Variants in TUBGCP2 observed in about 807,000 individuals in gnomAD.
TUBGCP2 encodes gamma-tubulin complex component 2.
A neutral mutation model predicts 92.2 loss-of-function variants in TUBGCP2; 55 were observed. The ratio of observed to expected loss-of-function variants is 0.60; its 90% CI spans 0.48 to 0.75. TUBGCP2 has a LOEUF of 0.75. Among genes scored for constraint, TUBGCP2 ranks in the 30% least tolerant of loss-of-function variants. The pLI is 0.00. For missense variants in TUBGCP2, 1,093 were observed against 1,188.9 expected (o/e 0.92, Z 1.19); for synonymous variants, 533 against 505.2 (o/e 1.06, Z -0.74).
chr10:133,293,226 C>A lies in TUBGCP2; in HGVS notation c.837G>T (p.Glu279Asp), dbSNP rs1317087085. 3 of 1,613,454 alleles carry A rather than the reference C, an allele frequency of 1.9e-6. No individual in the cohort carries two copies. Among genetic ancestry groups the A allele is most frequent in the Non-Finnish European group, 2.5e-6 (3 of 1,179,886 alleles). The change falls in exon 7 of 18, where the codon GAG becomes GAT. Residue 279 changes from glutamate to aspartate, a missense_variant. Glu to Asp is a conservative substitution (Grantham distance 45, BLOSUM62 2). Around this residue, in one of 3 missense-constraint regions of TUBGCP2, gnomAD observed 490 missense variants for 488.5 expected, o/e 1.00. Transcript: ENST00000252936. ...SYSAVTRFIE[E>D]KSSFEYGQVN... ...CCTGCCCGTACTCGAAGGAAGACTTCTCTTCAATGAACCTGGAAGAAAAGC... is the reference window on the plus strand; with the variant it reads ...CCTGCCCGTACTCGAAGGAAGACTTATCTTCAATGAACCTGGAAGAAAAGC...
intron 6 of TUBGCP2, 33 bp from the exon 7 acceptor site, chr10:133,293,271 G>C: frequency 1.2e-6 from 2 of 1,608,298 alleles, no homozygotes; most frequent in Non-Finnish European, 1.7e-6. Flanking sequence ...TCCTCAAAAA[G>C]GCAAGCTGCA....
At chr10:133,282,129 G>C (rs540161258) in intron 16 of TUBGCP2, 94 bp downstream of exon 16, 2 of 1,573,106 alleles carry the variant, frequency 1.3e-6, no homozygotes, top group East Asian at 2.3e-5. Flanking sequence ...GGAAGTAAAA[G>C]GGGGGAGGTT....
chr10:133,307,470 C>G lies in TUBGCP2; in HGVS notation c.-40+1353G>C, dbSNP rs1352256819. Among the ~76,000 whole-genome samples, 3 of 152,232 alleles carry G rather than the reference C, an allele frequency of 2.0e-5. No individual in the cohort carries two copies. The East Asian group carries it at 5.8e-4, about 29-fold the overall frequency. ...TGGTTTGAAAAATGTTATTTTACAA[C>G]TTGTGGAAAATGTCAAGAGCCCAAA... On this transcript the variant is annotated intron_variant, in intron 1 of 17. Transcript: ENST00000252936.
upstream of TUBGCP2, chr10:133,312,212 T>C: frequency 7.2e-7 from 1 of 1,394,082 alleles, no homozygotes; most frequent in Non-Finnish European, 9.3e-7. Flanking sequence ...TCTGCGTTTC[T>C]AGCGTCACCT....
chr10:133,283,022 A>T, intron 15 of TUBGCP2, 56 bp downstream of exon 15: 1 of 1,606,036 alleles, frequency 6.2e-7, no homozygotes, highest in Non-Finnish European at 8.5e-7. Context: ...CACGGTCGGG[A>T]CATGGTCTGC....
At chr10:133,307,970 G>A (rs1847866977) in intron 1 of TUBGCP2, among the ~76,000 whole-genome samples, 1 of 152,210 alleles carries the variant, frequency 6.6e-6, no homozygotes, top group African/African-American at 2.4e-5. Flanking sequence ...ACAGGGGCAG[G>A]CATGGTGGCT....
chr10:133,281,241 G>A, intron 17 of TUBGCP2, 32 bp downstream of exon 17: 1 of 1,603,496 alleles, frequency 6.2e-7, no homozygotes, highest in Non-Finnish European at 8.5e-7. Context: ...ACTGAGCTGA[G>A]GAAGGGCTGA....
upstream of TUBGCP2, chr10:133,309,735 C>T (rs762357186): frequency 9.9e-6 from 16 of 1,608,148 alleles, no homozygotes; most frequent in East Asian, 2.2e-5. Context: ...CTTGGTTCCT[C>T]GCACCGGAGG....
chr10:133,311,682 T>C (rs111577243), upstream of TUBGCP2: 2,227 of 1,580,860 alleles, frequency 1.4e-3, 21 homozygotes, highest in African/African-American at 0.014. Flanking sequence ...GTGGGAGCCG[T>C]GCAGGGCAGT....
Position 133,293,065 on chromosome 10 carries a change from C to A in TUBGCP2, c.998G>T (p.Arg333Leu). Residue 333 changes from arginine (R) to leucine (L), a missense_variant, in exon 7 of 18, where the codon CGC (arginine) becomes CTC (leucine). Transcript: ENST00000252936. ...GAGGGAGGCCAGGATGTCCATGGTG[C>A]GCATGGCTGGCTGGATGTAGAACCA... is the stretch of plus-strand genomic sequence containing the variant. The part of the protein sequence containing the change: ...KLWFYIQPAM[R>L]TMDILASLAT... 9 of 1,613,516 alleles carry A rather than the reference C, an allele frequency of 5.6e-6. No homozygotes were observed. The highest frequency in any genetic ancestry group is 1.3e-5 in the African/African-American group (1 of 75,046).
At chr10:133,304,365 T>G (rs1847755775) in intron 1 of TUBGCP2, among the ~76,000 whole-genome samples, 1 of 152,184 alleles carries the variant, frequency 6.6e-6, no homozygotes, top group Non-Finnish European at 1.5e-5. Context: ...TAAGCAAACT[T>G]TACATGCTTC....
In TUBGCP2 at chr10:133,281,302, A is replaced by G. The variant is rs762416850; in HGVS notation, c.2544T>C (p.Cys848=). 1 of 1,612,712 alleles carries G rather than the reference A, an allele frequency of 6.2e-7. No individual in the cohort carries two copies. The highest frequency in any genetic ancestry group is 1.7e-5 in the Admixed American group (1 of 60,012). ...AGATGACGCTGGCCATGCCGTGCTCACAGTCACTGGTGCTATAGATGCTCA... is the reference window on the plus strand; with the variant it reads ...AGATGACGCTGGCCATGCCGTGCTCGCAGTCACTGGTGCTATAGATGCTCA... ...ARLSIYSTSD[C]EHGMASVISR... is the part of the protein sequence containing the mutation. The change falls in exon 17 of 18, where the codon TGT becomes TGC. Residue 848 remains cysteine, a synonymous_variant. Transcript: ENST00000252936.
In TUBGCP2 at chr10:133,288,989, G is replaced by A; in HGVS notation, c.1392C>T (p.Gly464=). The A allele has an allele frequency of 2.5e-6, 4 of 1,613,816 alleles. No homozygotes were observed. The South Asian group carries it at 4.4e-5, about 18-fold the overall frequency. ...GKYLNVVREC[G]HDVTCPVAKE... is the part of the protein sequence containing the mutation. ...TAGCCACCGGGCAGGTGACGTCATG[G>A]CCACACTCTCTGACCACATTTAGAT... is the stretch of plus-strand genomic sequence containing the variant. The change falls in exon 10 of 18, where the codon GGC becomes GGT. Residue 464 remains glycine, a synonymous_variant. Coordinates refer to ENST00000252936, the MANE Select transcript of TUBGCP2 (RefSeq NM_006659.4).
chr10:133,296,510 C>T (rs1564770837), intron 5 of TUBGCP2, among the ~76,000 whole-genome samples: 1 of 151,888 alleles, frequency 6.6e-6, no homozygotes, highest in Non-Finnish European at 1.5e-5. Flanking sequence ...CAGGGTCTCG[C>T]TCTGTTGCCC....
chr10:133,301,700 CTTTTTTTTTTTTTTTTTTTTT>C (rs71016439), intron 2 of TUBGCP2: 1 of 87,214 alleles, frequency 1.1e-5, no homozygotes, highest in East Asian at 3.2e-4. Flanking sequence ...CAGTCCCTCC[CTTTTTTTTTTTTTTTTTTTTT>C]TTTTTTTTTG....
At chr10:133,308,785 C>G (rs548037467) in intron 1 of TUBGCP2, 38 bp downstream of exon 1, 3 of 460,232 alleles carry the variant, frequency 6.5e-6, no homozygotes, top group Admixed American at 4.8e-5. Flanking sequence ...CCCCCAACCC[C>G]CTCATCACGC....
chr10:133,309,017 G>A (rs1847913400), upstream of TUBGCP2: 3 of 1,260,124 alleles, frequency 2.4e-6, no homozygotes, highest in Non-Finnish European at 3.0e-6. Flanking sequence ...CCTGTAGAGC[G>A]GGATCCCGCG....
chr10:133,293,106 A>G lies in TUBGCP2; in HGVS notation c.957T>C (p.Leu319=). Residue 319 remains leucine (L), a synonymous_variant, in exon 7 of 18, where the codon CTT becomes CTC. Coordinates refer to ENST00000252936, the MANE Select transcript of TUBGCP2 (RefSeq NM_006659.4). ...QLEQLHRQGL[L]SLQKLWFYIQ... is the part of the protein sequence containing the mutation. ...TGTAGAACCAGAGCTTCTGCAGCGA[A>G]AGGAGGCCCTGCCTGTGCAGCTGCT... 6.2e-7 allele frequency: 1 copy of G among 1,613,882 alleles called. No homozygotes were observed. The highest frequency in any genetic ancestry group is 8.5e-7 in the Non-Finnish European group (1 of 1,180,046).
chr10:133,303,139 C>CA (rs1847717080), intron 1 of TUBGCP2, among the ~76,000 whole-genome samples, 159 bp from the exon 2 acceptor site: 1 of 152,124 alleles, frequency 6.6e-6, no homozygotes, highest in African/African-American at 2.4e-5. Flanking sequence ...AGCAGCCTCT[C>CA]AGAGGGTCCT....
Sources: allele counts gnomAD v4.1 joint callset (sites outside exome capture counted in the v4.1 genomes callset), GRCh38; gene constraint gnomAD v4.1.1; regional missense constraint gnomAD v4.1.1; transcripts MANE v1.5; gene names NCBI Gene and HGNC (gene_info 2026-07-23, HGNC 2026-07-21).